FIGN: variants seen among roughly 807,000 people sequenced by gnomAD.
FIGN encodes the protein fidgetin.
In FIGN, 11 loss-of-function variants were observed where a neutral mutation model predicts 51.3. That is an observed-to-expected ratio of 0.21 (90% confidence interval 0.13 to 0.35). The LOEUF is 0.35. Among genes scored for constraint, FIGN ranks in the 10% least tolerant of loss-of-function variants. FIGN has a pLI of 1.00. For missense variants in FIGN, 857 were observed against 943.6 expected, an observed-to-expected ratio of 0.91 and a Z score of 1.20; for synonymous variants, 407 against 363.2, an observed-to-expected ratio of 1.12 and a Z score of -1.37.
chr2:163,718,840 T>A (rs7591678), intron 2 of FIGN, among the ~76,000 whole-genome samples: 51,126 of 150,560 alleles, frequency 0.34, 9,327 homozygotes, highest in African/African-American at 0.48. Context: ...ACAGAGAGAG[T>A]GAGAGAGAGA....
At chr2:163,657,500 C>CTGTGTGTGTGTGTGTGTGTG (rs72033079) in intron 2 of FIGN, among the ~76,000 whole-genome samples, 4 of 147,426 alleles carry the variant, frequency 2.7e-5, no homozygotes, top group South Asian at 2.2e-4. Flanking sequence ...CAGAGGGAGT[C>CTGTGTGTGTGTGTGTGTGTG]TGTGTGTGTG....
At chr2:163,678,442 A>C (rs1200352128) in intron 2 of FIGN, among the ~76,000 whole-genome samples, 1 of 152,014 alleles carries the variant, frequency 6.6e-6, no homozygotes, top group Non-Finnish European at 1.5e-5. Context: ...GCTGATCTCA[A>C]ACTCCTGACC....
intron 2 of FIGN, among the ~76,000 whole-genome samples, chr2:163,612,177 G>T (rs1179842887): frequency 1.3e-5 from 2 of 152,094 alleles, no homozygotes; most frequent in Non-Finnish European, 2.9e-5. Context: ...TCAATCATAG[G>T]TTCTTAAAAT....
Position 163,734,980 on chromosome 2 carries a change from C to T in FIGN, c.-53G>A. 5 of 1,601,572 alleles carry T rather than the reference C, an allele frequency of 3.1e-6. No homozygotes were observed. The highest frequency in any genetic ancestry group is 4.3e-6 in the Non-Finnish European group (5 of 1,173,694). Reference sequence around the variant, plus strand: ...TTGGATTTCTCACAAGCAGGAATTCCAAAGGTTGCTTTTCATTAAAGCCAC... The same window carrying T: ...TTGGATTTCTCACAAGCAGGAATTCTAAAGGTTGCTTTTCATTAAAGCCAC... On this transcript the variant is annotated 5_prime_UTR_variant, in exon 2 of 3. The change creates a premature stop within an existing upstream ORF in the 5' untranslated region. Coordinates refer to ENST00000333129, the MANE Select transcript of FIGN (RefSeq NM_018086.4).
intron 2 of FIGN, among the ~76,000 whole-genome samples, chr2:163,630,752 T>G (rs1271442608): frequency 6.6e-6 from 1 of 152,152 alleles, no homozygotes; most frequent in African/African-American, 2.4e-5. Flanking sequence ...GACATAGCTT[T>G]TGAATAAATA....
intron 2 of FIGN, among the ~76,000 whole-genome samples, chr2:163,670,975 T>C (rs747452958): frequency 2.0e-5 from 3 of 152,210 alleles, no homozygotes; most frequent in Non-Finnish European, 4.4e-5. Flanking sequence ...GGAGCATAAT[T>C]AGCTCATCAA....
chr2:163,689,253 T>A lies in FIGN; in HGVS notation c.25+45650A>T, dbSNP rs570938025. 3.3e-3 allele frequency among the ~76,000 whole-genome samples: 494 copies of A among 151,898 alleles called. 6 individuals are homozygous for A. Among genetic ancestry groups the A allele is most frequent in the African/African-American group, 0.011 (464 of 41,406 alleles). On this transcript the variant is annotated intron_variant, in intron 2 of 2. Transcript: ENST00000333129. ...AGAGGCTGGAGCAAAATCATAGCTCTGGCATCAAGTCTTTCAGATAACATG... is the reference window on the plus strand; with the variant it reads ...AGAGGCTGGAGCAAAATCATAGCTCAGGCATCAAGTCTTTCAGATAACATG...
intron 2 of FIGN, among the ~76,000 whole-genome samples, chr2:163,718,134 C>T (rs1257277641): frequency 2.0e-5 from 3 of 152,046 alleles, no homozygotes; most frequent in Non-Finnish European, 4.4e-5. Flanking sequence ...CTCAGTATAG[C>T]GACAGACAGC....
chr2:163,730,887 T>C (rs1684917620), intron 2 of FIGN, among the ~76,000 whole-genome samples: 1 of 152,164 alleles, frequency 6.6e-6, no homozygotes, highest in African/African-American at 2.4e-5. Flanking sequence ...TCTTCAACAA[T>C]GAACACAGTA....
intron 2 of FIGN, among the ~76,000 whole-genome samples, chr2:163,658,319 TC>T (rs891344602): frequency 6.6e-6 from 1 of 150,910 alleles, no homozygotes; most frequent in Non-Finnish European, 1.5e-5. Context: ...CATGGGCAAA[TC>T]TGGCTGATAA....
chr2:163,732,333 T>A (rs1435905255), intron 2 of FIGN, among the ~76,000 whole-genome samples: 3 of 152,172 alleles, frequency 2.0e-5, no homozygotes, highest in Admixed American at 1.3e-4. Context: ...GTAGAAATAA[T>A]GTTTCTTTTC....
chr2:163,619,517 AT>A (rs1467921198), intron 2 of FIGN, among the ~76,000 whole-genome samples: 1 of 152,148 alleles, frequency 6.6e-6, no homozygotes, highest in Non-Finnish European at 1.5e-5. Flanking sequence ...GCAAGAAAAT[AT>A]TCACCCAACA....
chr2:163,674,846 G>A (rs1164673602), intron 2 of FIGN, among the ~76,000 whole-genome samples: 1 of 151,982 alleles, frequency 6.6e-6, no homozygotes, highest in Non-Finnish European at 1.5e-5. Context: ...AGAGTTCAAT[G>A]ACTTTTTTTC....
In FIGN at chr2:163,649,675, A is replaced by T. The variant is rs545743716; in HGVS notation, c.26-37869T>A. Among the ~76,000 whole-genome samples the T allele has an allele frequency of 1.2e-4, 18 of 152,336 alleles. 1 individual carries two copies. The highest frequency in any genetic ancestry group is 5.2e-4 in the Admixed American group (8 of 15,300). ...GTGCACCTAGTCAAGGCAAATAATC[A>T]TGAGAAATTATGAAATGTTATTGTT... On this transcript the variant is annotated intron_variant, in intron 2 of 2. Transcript: ENST00000333129.
intron 2 of FIGN, among the ~76,000 whole-genome samples, chr2:163,663,728 C>T (rs1486498518): frequency 6.6e-6 from 1 of 151,468 alleles, no homozygotes; most frequent in Non-Finnish European, 1.5e-5. Flanking sequence ...ACTAAAAATA[C>T]AAAATTAGTT....
intron 2 of FIGN, among the ~76,000 whole-genome samples, chr2:163,614,466 A>C (rs182305500): frequency 2.2e-4 from 34 of 152,324 alleles, no homozygotes; most frequent in African/African-American, 7.9e-4. Flanking sequence ...AGACCTACAA[A>C]TTCATTAGTC....
rs1292469604 is a variant in FIGN at position 163,605,875 on chromosome 2, C to T, written c.*3677G>A. 1.3e-5 allele frequency: 2 copies of T among 150,332 alleles called. No individual in the cohort carries two copies. The highest frequency in any genetic ancestry group is 3.0e-5 in the Non-Finnish European group (2 of 67,788). The allele number at this position is 150,332 out of a possible 1,614,324, so 9.3% of individuals were successfully genotyped here. The stretch of plus-strand genomic sequence containing the variant: ...ACAAATATATTTAAATTTACAAAGA[C>T]CTATTATAGGAACTAATTTGGATTT... On this transcript the variant is annotated 3_prime_UTR_variant, in exon 3 of 3. Coordinates refer to ENST00000333129, the MANE Select transcript of FIGN (RefSeq NM_018086.4).
Position 163,609,349 on chromosome 2 carries a change from A to T in FIGN, c.*203T>A. 3 of 583,454 alleles carry T rather than the reference A, an allele frequency of 5.1e-6. No homozygotes were observed. The highest frequency in any genetic ancestry group is 9.0e-6 in the Non-Finnish European group (3 of 332,062). 36.1% of individuals were successfully genotyped at this position (583,454 alleles called of 1,614,324 possible). ...TGAGCATCCACATATGCTTTCTGTC[A>T]TCTGGGGCTTTCAAATCAGAAGCTC... is the stretch of plus-strand genomic sequence containing the variant. On this transcript the variant is annotated 3_prime_UTR_variant, in exon 3 of 3. Transcript: ENST00000333129.
chr2:163,665,695 C>T (rs1010545718), intron 2 of FIGN, among the ~76,000 whole-genome samples: 4 of 152,040 alleles, frequency 2.6e-5, no homozygotes, highest in African/African-American at 7.3e-5. Context: ...TATAATACAC[C>T]GTATTGTGCA....
Sources: allele counts gnomAD v4.1 joint callset (sites outside exome capture counted in the v4.1 genomes callset), GRCh38; gene constraint gnomAD v4.1.1; transcripts MANE v1.5; gene names NCBI Gene and HGNC (gene_info 2026-07-23, HGNC 2026-07-21).